The following L3MBTL4 variants were observed in gnomAD, a reference collection of about 807,000 sequenced individuals.
The protein encoded by L3MBTL4 is L3MBTL histone methyl-lysine binding protein 4, also known as lethal(3)malignant brain tumor-like protein 4.
In L3MBTL4, 70 loss-of-function variants were observed where a neutral mutation model predicts 84.5. The ratio of observed to expected loss-of-function variants is 0.83; its 90% CI spans 0.68 to 1.01. The LOEUF is 1.01. Ranked by LOEUF, L3MBTL4 falls within the 50% of genes least tolerant of loss-of-function variation. The probability of loss-of-function intolerance (pLI) is 0.00; values close to 1 mark genes in which losing one functional copy is unlikely to be tolerated. For synonymous variants in L3MBTL4, 274 were observed against 259.8 expected (o/e 1.05, Z -0.52); for missense variants, 715 against 754.8 (o/e 0.95, Z 0.62).
chr18:6,039,011 C>A (rs1261597579), intron 16 of L3MBTL4, among the ~76,000 whole-genome samples: 2 of 151,864 alleles, frequency 1.3e-5, no homozygotes, highest in East Asian at 3.9e-4. Flanking sequence ...CTTTCTCTCT[C>A]CCCCAACCTC....
intron 12 of L3MBTL4, among the ~76,000 whole-genome samples, chr18:6,176,309 C>T (rs1758359911): frequency 6.6e-6 from 1 of 152,106 alleles, no homozygotes. Flanking sequence ...TTTAGAATTA[C>T]TACAAAGGCA....
intron 11 of L3MBTL4, among the ~76,000 whole-genome samples, chr18:6,214,066 A>G (rs769444472): frequency 6.6e-6 from 1 of 152,258 alleles, no homozygotes; most frequent in African/African-American, 2.4e-5. Flanking sequence ...TGCTTAGATA[A>G]AAGCTGTGTA....
At chr18:6,172,656 C>T (rs2145214826) in intron 12 of L3MBTL4, among the ~76,000 whole-genome samples, 1 of 152,268 alleles carries the variant, frequency 6.6e-6, no homozygotes, top group Admixed American at 6.5e-5. Context: ...AAAACACACA[C>T]ACACATACCA....
At chr18:6,221,516 G>A (rs147980593) in intron 10 of L3MBTL4, among the ~76,000 whole-genome samples, 5 of 152,276 alleles carry the variant, frequency 3.3e-5, no homozygotes, top group East Asian at 3.9e-4. Flanking sequence ...GTGAGACCTG[G>A]CATTTTAAGT....
At chr18:6,197,229 A>G (rs575919655) in intron 12 of L3MBTL4, among the ~76,000 whole-genome samples, 7 of 152,292 alleles carry the variant, frequency 4.6e-5, no homozygotes, top group African/African-American at 1.7e-4. Context: ...TAAGCATAGC[A>G]TGCATTAGCT....
intron 1 of L3MBTL4, among the ~76,000 whole-genome samples, chr18:6,340,875 A>G (rs1160764437): frequency 6.6e-6 from 1 of 152,156 alleles, no homozygotes; most frequent in East Asian, 1.9e-4. Flanking sequence ...AGCCAATCCA[A>G]CTCTGCTAGA....
At chr18:6,181,183 CTTTT>C (rs1320452447) in intron 12 of L3MBTL4, among the ~76,000 whole-genome samples, 1 of 149,734 alleles carries the variant, frequency 6.7e-6, no homozygotes, top group African/African-American at 2.5e-5. Flanking sequence ...ATTTTACATT[CTTTT>C]TTAAAAACTT....
intron 13 of L3MBTL4, among the ~76,000 whole-genome samples, chr18:6,170,594 A>C (rs2043921152): frequency 6.6e-6 from 1 of 152,286 alleles, no homozygotes; most frequent in East Asian, 1.9e-4. Context: ...CCAGGTGGGT[A>C]GAGTGACAAA....
At chr18:5,966,410 T>C (rs2052356067) in intron 17 of L3MBTL4, among the ~76,000 whole-genome samples, 1 of 152,226 alleles carries the variant, frequency 6.6e-6, no homozygotes, top group Admixed American at 6.5e-5. Flanking sequence ...CCTGTCCTGC[T>C]GCACCGCACA....
chr18:6,317,555 A>T (rs2051172140), intron 1 of L3MBTL4, among the ~76,000 whole-genome samples: 1 of 152,186 alleles, frequency 6.6e-6, no homozygotes, highest in South Asian at 2.1e-4. Flanking sequence ...ACAAAAATTT[A>T]AAAAATAAAT....
At chr18:6,164,906 C>T (rs2043563722) in intron 13 of L3MBTL4, among the ~76,000 whole-genome samples, 1 of 152,086 alleles carries the variant, frequency 6.6e-6, no homozygotes, top group African/African-American at 2.4e-5. Flanking sequence ...AAGTTTGAAC[C>T]AATGGCAAAG....
At chr18:5,986,958 C>A (rs1294482060) in intron 16 of L3MBTL4, among the ~76,000 whole-genome samples, 1 of 152,202 alleles carries the variant, frequency 6.6e-6, no homozygotes, top group Non-Finnish European at 1.5e-5. Context: ...TGTTTTCTCC[C>A]TTCTCCTCCA....
intron 14 of L3MBTL4, among the ~76,000 whole-genome samples, chr18:6,131,168 A>C (rs553777528): frequency 8.1e-4 from 123 of 152,350 alleles, no homozygotes; most frequent in Non-Finnish European, 1.5e-3. Flanking sequence ...CCAAGGCTTC[A>C]ATATCAGAAT....
chr18:6,085,022 G>T (rs760156027), intron 15 of L3MBTL4, among the ~76,000 whole-genome samples: 1 of 152,098 alleles, frequency 6.6e-6, no homozygotes, highest in Non-Finnish European at 1.5e-5. Context: ...TTGGATATGC[G>T]AATTTATTTA....
chr18:6,308,689 C>A lies in L3MBTL4; in HGVS notation c.72+2865G>T, dbSNP rs79323419. Among the ~76,000 whole-genome samples the A allele has an allele frequency of 7.3e-4, 111 of 152,160 alleles. 3 individuals carry two copies. The East Asian group carries it at 0.021, about 28-fold the overall frequency. ...GAAGCAGAACAACGAGCAGAATGTG[C>A]GCCCATTTGGGATGTGTGTATGTAT... On this transcript the variant is annotated intron_variant, in intron 3 of 18. Coordinates refer to ENST00000317931, the MANE Select transcript of L3MBTL4 (RefSeq NM_001330559.2).
chr18:6,362,837 G>T (rs1306796330), intron 1 of L3MBTL4, among the ~76,000 whole-genome samples: 2 of 152,208 alleles, frequency 1.3e-5, no homozygotes, highest in Non-Finnish European at 2.9e-5. Context: ...GTTTTTATTA[G>T]AAATGTTAAA....
intron 12 of L3MBTL4, among the ~76,000 whole-genome samples, chr18:6,200,402 A>G (rs2045600774): frequency 6.6e-6 from 1 of 152,212 alleles, no homozygotes; most frequent in South Asian, 2.1e-4. Flanking sequence ...AGCCAAGTGA[A>G]GTAGGCCACA....
chr18:6,228,368 G>A (rs1156449866), intron 10 of L3MBTL4, among the ~76,000 whole-genome samples: 1 of 151,980 alleles, frequency 6.6e-6, no homozygotes, highest in Non-Finnish European at 1.5e-5. Context: ...CAAAAAAGCT[G>A]AGACTCATTT....
chr18:6,409,481 A>AT (rs753517415), intron 1 of L3MBTL4, among the ~76,000 whole-genome samples: 1 of 152,158 alleles, frequency 6.6e-6, no homozygotes, highest in Middle Eastern at 3.2e-3. Flanking sequence ...GGAAAATGAG[A>AT]TAAAAATGGT....
Sources: gnomAD v4.1 joint callset for allele counts (sites outside exome capture counted in the v4.1 genomes callset) on GRCh38, gnomAD v4.1.1 for gene constraint, MANE v1.5 for transcripts, NCBI Gene and HGNC (gene_info 2026-07-23, HGNC 2026-07-21) for gene names.